Variants in MYO5A observed in about 807,000 individuals in gnomAD.
The protein encoded by MYO5A is myosin VA.
MYO5A carries 98 observed loss-of-function variants against 249.7 expected under a neutral mutation model. The ratio of observed to expected loss-of-function variants is 0.39; its 90% CI spans 0.33 to 0.46. The LOEUF is 0.46. MYO5A is among the 20% of genes least tolerant of loss of function. The pLI, the probability that MYO5A is intolerant of heterozygous loss-of-function variation, is 0.98. For missense variants in MYO5A, 1,696 were observed against 2,308.8 expected (o/e 0.73, Z 5.44); for synonymous variants, 778 against 810.6 (o/e 0.96, Z 0.68).
intron 1 of MYO5A, among the ~76,000 whole-genome samples, chr15:52,453,887 A>G (rs2076068669): frequency 6.6e-6 from 1 of 152,172 alleles, no homozygotes; most frequent in Non-Finnish European, 1.5e-5. Context: ...ATAAAATGCA[A>G]CAAATTAAAA....
In MYO5A at chr15:52,397,357, A is replaced by G; in HGVS notation, c.1163T>C (p.Ile388Thr). The G allele has an allele frequency of 6.2e-7, 1 of 1,614,108 alleles. No individual in the cohort carries two copies. Among genetic ancestry groups the G allele is most frequent in the Non-Finnish European group, 8.5e-7 (1 of 1,180,006 alleles). ...RKLATATETYIKPISKLQATN... is the reference protein window; with the variant it reads ...RKLATATETYTKPISKLQATN... ...GGCCTGCAGCTTGGAGATGGGCTTG[A>G]TGTATGTCTCTGTGGCAGTAGCCAG... Residue 388 changes from isoleucine to threonine, a missense_variant, in exon 10 of 42, where the codon ATC becomes ACC. Physicochemically the swap from Ile to Thr is moderately conservative, Grantham distance 89. Coordinates refer to ENST00000399233, the MANE Select transcript of MYO5A (RefSeq NM_001382347.1).
rs749512869 is a variant in MYO5A, at chr15:52,351,229, A to G, written c.3849+25T>C. The G allele has an allele frequency of 4.4e-6, 7 of 1,595,774 alleles. No homozygotes were observed. The East Asian group carries it at 1.1e-4, about 25-fold the overall frequency. On this transcript the variant is annotated intron_variant, in intron 28 of 41. Transcript: ENST00000399233. The stretch of plus-strand genomic sequence containing the variant: ...TATTGAGGCCAGTCCCCGAACACCC[A>G]GTTTAATTGTGTGCTTGCGCTTACC...
intron 16 of MYO5A, 120 bp from the exon 17 acceptor site, chr15:52,380,028 A>G (rs1488082419): frequency 1.1e-5 from 11 of 967,572 alleles, no homozygotes; most frequent in Non-Finnish European, 1.8e-5. Flanking sequence ...CAGAAAAGAA[A>G]GCTTTCAGAA....
At chr15:52,504,073 T>TTC (rs2077214102) in intron 1 of MYO5A, among the ~76,000 whole-genome samples, 9 of 149,172 alleles carry the variant, frequency 6.0e-5, no homozygotes, top group Non-Finnish European at 1.3e-4. Context: ...TTTTTTTTTT[T>TTC]GCCTTTTTAA....
chr15:52,327,087 ATGGG>A (rs1307205705), intron 36 of MYO5A, among the ~76,000 whole-genome samples: 3 of 152,174 alleles, frequency 2.0e-5, no homozygotes, highest in Non-Finnish European at 2.9e-5. Flanking sequence ...AGGGAAAATT[ATGGG>A]GTGAGGTGGA....
At position 52,375,437 on chromosome 15, in the gene MYO5A, G is replaced by C; in HGVS notation, c.2444C>G (p.Thr815Ser). The stretch of plus-strand genomic sequence containing the variant: ...CTTTTGAATGATGGTTGCTGCCTTG[G>C]TTCTGCGCAGAAACTTAGCATAGCT... ...ARCYAKFLRR[T>S]KAATIIQKYW... is the part of the protein sequence containing the mutation. The change falls in exon 20 of 42, where the codon ACC becomes AGC. Residue 815 changes from threonine (T) to serine (S), a missense_variant. Around this residue, in one of 5 missense-constraint regions of MYO5A, gnomAD observed 412 missense variants for 453.3 expected, o/e 0.91. Coordinates refer to ENST00000399233, the MANE Select transcript of MYO5A (RefSeq NM_001382347.1). 1.9e-6 allele frequency: 3 copies of C among 1,614,110 alleles called. No individual in the cohort carries two copies. The highest frequency in any genetic ancestry group is 2.5e-6 in the Non-Finnish European group (3 of 1,179,998).
At chr15:52,334,388 T>C (rs2039021999) in intron 34 of MYO5A, among the ~76,000 whole-genome samples, 1 of 152,172 alleles carries the variant, frequency 6.6e-6, no homozygotes, top group Non-Finnish European at 1.5e-5. Flanking sequence ...ATATAATTGG[T>C]GCAAAGTGCA....
At chr15:52,512,213 A>G (rs2077406264) in intron 1 of MYO5A, among the ~76,000 whole-genome samples, 1 of 152,006 alleles carries the variant, frequency 6.6e-6, no homozygotes, top group African/African-American at 2.4e-5. Flanking sequence ...GTGTTCCAAT[A>G]TTGTTATAGT....
At chr15:52,437,594 CAAAAAAAAAAA>C (rs57299562) in intron 1 of MYO5A, among the ~76,000 whole-genome samples, 1 of 73,900 alleles carries the variant, frequency 1.4e-5, no homozygotes, top group Admixed American at 1.5e-4. Flanking sequence ...GACTCCATCT[CAAAAAAAAAAA>C]AAAAAAAAAA....
chr15:52,438,688 A>C (rs1366731189), intron 1 of MYO5A, among the ~76,000 whole-genome samples: 1 of 152,268 alleles, frequency 6.6e-6, no homozygotes, highest in Admixed American at 6.5e-5. Context: ...CTAAGAGCAC[A>C]GCGGGAGGGA....
At chr15:52,359,081 T>C (rs1451334311) in intron 25 of MYO5A, among the ~76,000 whole-genome samples, 1 of 152,246 alleles carries the variant, frequency 6.6e-6, no homozygotes, top group Non-Finnish European at 1.5e-5. Context: ...TTCTTGTATG[T>C]ATGATTCCAA....
At chr15:52,434,302 A>G (rs1439807331) in intron 1 of MYO5A, among the ~76,000 whole-genome samples, 2 of 152,050 alleles carry the variant, frequency 1.3e-5, no homozygotes, top group Non-Finnish European at 2.9e-5. Flanking sequence ...CCGGCCCACA[A>G]TTTGGATTTT....
At chr15:52,445,258 G>A (rs374637109) in intron 1 of MYO5A, among the ~76,000 whole-genome samples, 3 of 152,048 alleles carry the variant, frequency 2.0e-5, no homozygotes, top group East Asian at 1.9e-4. Flanking sequence ...TGCAACCTCC[G>A]CCCACCTTCT....
At chr15:52,385,868 A>C (rs1381971745) in intron 14 of MYO5A, among the ~76,000 whole-genome samples, 1 of 152,180 alleles carries the variant, frequency 6.6e-6, no homozygotes, top group Non-Finnish European at 1.5e-5. Flanking sequence ...GGTAAATCAC[A>C]CACTGTCCCC....
chr15:52,469,079 T>C (rs1486654896), intron 1 of MYO5A, among the ~76,000 whole-genome samples: 1 of 152,218 alleles, frequency 6.6e-6, no homozygotes, highest in Non-Finnish European at 1.5e-5. Context: ...TGCAGCATTG[T>C]TTGTAAAAGT....
chr15:52,494,854 C>T (rs550167005), intron 1 of MYO5A, among the ~76,000 whole-genome samples: 3 of 152,184 alleles, frequency 2.0e-5, no homozygotes, highest in Admixed American at 6.5e-5. Context: ...TTAAGGATTC[C>T]GCTGAATTTA....
intron 24 of MYO5A, among the ~76,000 whole-genome samples, chr15:52,361,827 G>A (rs1029514667): frequency 1.3e-5 from 2 of 152,112 alleles, no homozygotes; most frequent in African/African-American, 2.4e-5. Context: ...GGATCATCAC[G>A]TTCTCCTTCA....
In MYO5A at chr15:52,370,473, T is replaced by C. The variant is rs2290335; in HGVS notation, c.2818-56A>G. The C allele has an allele frequency of 0.17, 268,790 of 1,536,228 alleles. 30,589 individuals carry two copies. The highest frequency in any genetic ancestry group is 0.56 in the East Asian group (25,086 of 44,424). On this transcript the variant is annotated intron_variant, in intron 21 of 41. Transcript: ENST00000399233. ...AAATACACATATCATCAAATGTATTTAGTAAGAAAACCATGTTTATTCATC... is the reference window on the plus strand; with the variant it reads ...AAATACACATATCATCAAATGTATTCAGTAAGAAAACCATGTTTATTCATC...
chr15:52,451,842 T>TA (rs777482205), intron 1 of MYO5A, among the ~76,000 whole-genome samples: 1 of 152,222 alleles, frequency 6.6e-6, no homozygotes, highest in Non-Finnish European at 1.5e-5. Flanking sequence ...GCTCCACTGT[T>TA]ACGTTTTCTC....
Sources: gnomAD v4.1 joint callset for allele counts (sites outside exome capture counted in the v4.1 genomes callset) on GRCh38, gnomAD v4.1.1 for gene constraint, gnomAD v4.1.1 regional missense constraint, MANE v1.5 for transcripts, NCBI Gene and HGNC (gene_info 2026-07-23, HGNC 2026-07-21) for gene names.